Variants in TRAPPC9 observed in about 807,000 individuals in gnomAD.
The protein encoded by TRAPPC9 is trafficking protein particle complex subunit 9, also known as IKK2 binding protein.
Under a neutral mutation model 124.0 loss-of-function variants are expected in TRAPPC9, and 83 were observed. The observed-to-expected ratio is 0.67, with a 90% confidence interval of 0.56 to 0.80. TRAPPC9 has a LOEUF of 0.80. TRAPPC9 is among the 30% of genes least tolerant of loss of function. TRAPPC9 has a pLI of 0.00. For missense variants in TRAPPC9, 1,302 were observed against 1,508.3 expected, an observed-to-expected ratio of 0.86 and a Z score of 2.27; for synonymous variants, 638 against 617.5, an observed-to-expected ratio of 1.03 and a Z score of -0.49.
intron 18 of TRAPPC9, among the ~76,000 whole-genome samples, chr8:140,004,464 TAAC>T (rs1157892498): frequency 6.6e-6 from 1 of 152,222 alleles, no homozygotes; most frequent in Non-Finnish European, 1.5e-5. Flanking sequence ...TTAATGGCTA[TAAC>T]ATCATAAGCA....
chr8:140,359,482 C>T (rs946376645), intron 9 of TRAPPC9, among the ~76,000 whole-genome samples: 2 of 152,184 alleles, frequency 1.3e-5, no homozygotes, highest in African/African-American at 4.8e-5. Flanking sequence ...AACCTTGAAA[C>T]AGGGGCAGAA....
At chr8:139,744,513 C>T (rs1222925864) in intron 21 of TRAPPC9, among the ~76,000 whole-genome samples, 1 of 152,192 alleles carries the variant, frequency 6.6e-6, no homozygotes, top group African/African-American at 2.4e-5. Context: ...GCACTGCTCT[C>T]CTAGGAGCCG....
At chr8:140,311,072 A>G (rs1215745467) in intron 10 of TRAPPC9, among the ~76,000 whole-genome samples, 176 bp downstream of exon 10, 1 of 152,182 alleles carries the variant, frequency 6.6e-6, no homozygotes, top group Non-Finnish European at 1.5e-5. Flanking sequence ...TGACTCTCTC[A>G]TCTCTAAAAT....
intron 21 of TRAPPC9, among the ~76,000 whole-genome samples, chr8:139,732,976 C>G (rs1482986754): frequency 1.3e-5 from 2 of 152,096 alleles, no homozygotes; most frequent in African/African-American, 4.8e-5. Flanking sequence ...AGGAAGGAGG[C>G]TGAGGTCAGG....
intron 17 of TRAPPC9, among the ~76,000 whole-genome samples, chr8:140,145,778 GCTAA>G (rs1205668782): frequency 6.6e-6 from 1 of 152,036 alleles, no homozygotes; most frequent in Non-Finnish European, 1.5e-5. Context: ...CAAGAACCTA[GCTAA>G]CTGTTTCATA....
chr8:140,301,157 G>A (rs2065965503), intron 10 of TRAPPC9, among the ~76,000 whole-genome samples: 1 of 152,214 alleles, frequency 6.6e-6, no homozygotes, highest in Non-Finnish European at 1.5e-5. Context: ...CCCATGGGAA[G>A]AGATGGCACC....
chr8:140,186,138 A>T (rs1224677108), intron 17 of TRAPPC9, among the ~76,000 whole-genome samples: 2 of 152,258 alleles, frequency 1.3e-5, no homozygotes, highest in African/African-American at 4.8e-5. Context: ...ACTTCAAAGT[A>T]AAACATTTTC....
intron 21 of TRAPPC9, among the ~76,000 whole-genome samples, chr8:139,735,013 T>A (rs958729278): frequency 6.6e-6 from 1 of 152,100 alleles, no homozygotes; most frequent in African/African-American, 2.4e-5. Flanking sequence ...AACCTGGGGG[T>A]CCTGAGGCCC....
intron 17 of TRAPPC9, among the ~76,000 whole-genome samples, chr8:140,136,438 A>G (rs1177768451): frequency 6.6e-6 from 1 of 152,160 alleles, no homozygotes; most frequent in African/African-American, 2.4e-5. Context: ...CTGAGCACAT[A>G]CATGCATTTA....
chr8:140,256,650 C>T (rs1042876931), intron 15 of TRAPPC9, among the ~76,000 whole-genome samples: 2 of 152,148 alleles, frequency 1.3e-5, no homozygotes, highest in Non-Finnish European at 2.9e-5. Context: ...GCCGACACAT[C>T]TGTGGGCAGC....
chr8:140,046,042 TGG>T (rs1491147637), intron 17 of TRAPPC9, among the ~76,000 whole-genome samples: 120 of 147,978 alleles, frequency 8.1e-4, no homozygotes, highest in Non-Finnish European at 1.4e-3. Flanking sequence ...TGGATCTAGA[TGG>T]GAGGATGGGA....
chr8:140,458,023 A>G (rs2071758452), upstream of TRAPPC9, among the ~76,000 whole-genome samples: 1 of 101,712 alleles, frequency 9.8e-6, no homozygotes. Flanking sequence ...GGAGAGTAGG[A>G]GGAGGAGGGG....
intron 21 of TRAPPC9, among the ~76,000 whole-genome samples, chr8:139,833,262 C>T (rs1826105877): frequency 6.6e-6 from 1 of 152,208 alleles, no homozygotes; most frequent in Non-Finnish European, 1.5e-5. Flanking sequence ...CTTCATAAAA[C>T]CTATAGCCCC....
chr8:139,838,704 GAGGAGGAGGAGCAGCCTCATGGA>G (rs1826527105), intron 21 of TRAPPC9, among the ~76,000 whole-genome samples: 1 of 152,248 alleles, frequency 6.6e-6, no homozygotes, highest in African/African-American at 2.4e-5. Context: ...CAGCCTCTGG[GAGGAGGAGGAGCAGCCTCATGGA>G]ACACTCTTGA....
chr8:139,835,542 C>T (rs1391435847), intron 21 of TRAPPC9, among the ~76,000 whole-genome samples: 1 of 152,190 alleles, frequency 6.6e-6, no homozygotes, highest in East Asian at 1.9e-4. Flanking sequence ...ATCCACGAGA[C>T]ATCCTCACTA....
intron 5 of TRAPPC9, among the ~76,000 whole-genome samples, chr8:140,419,356 G>A (rs1377771025): frequency 1.4e-5 from 2 of 146,364 alleles, no homozygotes; most frequent in South Asian, 2.2e-4. Flanking sequence ...GTGAACCTCG[G>A]AGGTGGAGCT....
At chr8:140,146,200 G>C (rs926694967) in intron 17 of TRAPPC9, among the ~76,000 whole-genome samples, 1 of 152,248 alleles carries the variant, frequency 6.6e-6, no homozygotes, top group Non-Finnish European at 1.5e-5. Context: ...AGGAATTTAT[G>C]AGGCTATATC....
chr8:140,208,417 G>A (rs1001706850), intron 17 of TRAPPC9, among the ~76,000 whole-genome samples: 4 of 152,188 alleles, frequency 2.6e-5, no homozygotes, highest in Non-Finnish European at 4.4e-5. Flanking sequence ...CAGAAGTAGC[G>A]GCAGCACCTG....
intron 17 of TRAPPC9, among the ~76,000 whole-genome samples, chr8:140,070,930 T>A (rs10099770): frequency 0.36 from 55,359 of 152,048 alleles, 13,626 homozygotes; most frequent in African/African-American, 0.7. Context: ...CAGCTCAGGC[T>A]CTGTTGTGAA....
Sources: gnomAD v4.1 joint callset for allele counts (sites outside exome capture counted in the v4.1 genomes callset) on GRCh38, gnomAD v4.1.1 for gene constraint, MANE v1.5 for transcripts, NCBI Gene and HGNC (gene_info 2026-07-23, HGNC 2026-07-21) for gene names.